The following MSH3 variants were observed in gnomAD, a reference collection of about 807,000 sequenced individuals.
MSH3 encodes the protein mutS homolog 3, also known as DNA mismatch repair protein Msh3.
In MSH3, 106 loss-of-function variants were observed where a neutral mutation model predicts 123.3. That is an observed-to-expected ratio of 0.86 (90% CI 0.73 to 1.01). The LOEUF (loss-of-function observed/expected upper bound fraction) is 1.01. Ranked by LOEUF, MSH3 falls within the 50% of genes least tolerant of loss-of-function variation. The probability of loss-of-function intolerance (pLI) is 0.00; values close to 1 mark genes in which losing one functional copy is unlikely to be tolerated. For synonymous variants in MSH3, 515 were observed against 481.4 expected, an observed-to-expected ratio of 1.07 and a Z score of -0.91; for missense variants, 1,459 against 1,347.6, an observed-to-expected ratio of 1.08 and a Z score of -1.29.
At chr5:80,758,633 T>C (rs377005710) in intron 12 of MSH3, among the ~76,000 whole-genome samples, 22 of 152,196 alleles carry the variant, frequency 1.4e-4, no homozygotes, top group African/African-American at 5.1e-4. Flanking sequence ...GTGTTGGCAC[T>C]AGACTAAAAT....
Position 80,674,984 on chromosome 5 carries a change from T to A in MSH3, c.1029T>A (p.Asp343Glu), listed in dbSNP as rs2112815906. ...LYTKSTLIGEDVNPLIKLDDA... is the reference protein window; with the variant it reads ...LYTKSTLIGEEVNPLIKLDDA... The stretch of plus-strand genomic sequence containing the variant: ...TTATTTTTCTTTAATTATTATTAAA[T>A]GTGAATCCCCTAATCAAGCTGGATG... The change falls in exon 7 of 24, where the codon GAT becomes GAA. Residue 343 changes from aspartate (D) to glutamate (E), a missense_variant and splice_region_variant. Asp to Glu is a conservative substitution (Grantham distance 45, BLOSUM62 2). Coordinates refer to ENST00000265081, the MANE Select transcript of MSH3 (RefSeq NM_002439.5). 6.3e-7 allele frequency: 1 copy of A among 1,597,084 alleles called. No homozygotes were observed. Among genetic ancestry groups the A allele is most frequent in the Non-Finnish European group, 8.6e-7 (1 of 1,166,568 alleles).
intron 2 of MSH3, among the ~76,000 whole-genome samples, chr5:80,662,881 A>G (rs6887400): frequency 0.34 from 51,596 of 151,842 alleles, 8,855 homozygotes; most frequent in Non-Finnish European, 0.36. Context: ...GGACATACAC[A>G]CAGACCAGGT....
chr5:80,746,176 A>G (rs1421109815), intron 12 of MSH3, among the ~76,000 whole-genome samples: 1 of 152,154 alleles, frequency 6.6e-6, no homozygotes. Context: ...TAGGTTTGGA[A>G]TCCGTATTCA....
chr5:80,664,224 T>G (rs1424689245), intron 2 of MSH3, among the ~76,000 whole-genome samples: 1 of 152,160 alleles, frequency 6.6e-6, no homozygotes, highest in African/African-American at 2.4e-5. Flanking sequence ...GAAAGGTAGA[T>G]TTGAGATGGG....
At chr5:80,805,584 C>A (rs937868932) in intron 19 of MSH3, among the ~76,000 whole-genome samples, 11 of 80,536 alleles carry the variant, frequency 1.4e-4, no homozygotes, top group South Asian at 5.9e-4. Context: ...TGATGCCCCC[C>A]CCCCCTACCT....
At chr5:80,685,844 G>T (rs1485626591) in intron 8 of MSH3, among the ~76,000 whole-genome samples, 4 of 151,976 alleles carry the variant, frequency 2.6e-5, no homozygotes, top group African/African-American at 9.7e-5. Flanking sequence ...GTTTTGGTAT[G>T]TGTTTTCATT....
At chr5:80,689,029 A>G (rs1160129259) in intron 8 of MSH3, among the ~76,000 whole-genome samples, 2 of 152,188 alleles carry the variant, frequency 1.3e-5, no homozygotes, top group Non-Finnish European at 2.9e-5. Flanking sequence ...CATGGTGCCT[A>G]AATTAGGTGG....
At chr5:80,709,065 G>A (rs1251714502) in intron 8 of MSH3, among the ~76,000 whole-genome samples, 1 of 151,910 alleles carries the variant, frequency 6.6e-6, no homozygotes, top group East Asian at 1.9e-4. Context: ...GTGAGCCATG[G>A]CACTGGACCC....
intron 20 of MSH3, among the ~76,000 whole-genome samples, chr5:80,849,113 T>G (rs994293544): frequency 1.3e-5 from 2 of 151,966 alleles, no homozygotes; most frequent in African/African-American, 4.8e-5. Flanking sequence ...AGCGGGGAAG[T>G]CAAATCTTAA....
intron 12 of MSH3, 73 bp from the exon 13 acceptor site, chr5:80,761,473 G>A (rs1744031534): frequency 6.4e-7 from 1 of 1,559,004 alleles, no homozygotes; most frequent in Non-Finnish European, 8.8e-7. Flanking sequence ...ACATTCCTGG[G>A]CATTAGAGTG....
At chr5:80,873,960 C>A (rs1279942347) in intron 23 of MSH3, among the ~76,000 whole-genome samples, 1 of 152,006 alleles carries the variant, frequency 6.6e-6, no homozygotes, top group African/African-American at 2.4e-5. Context: ...ATATAAAATT[C>A]TAAAACAACA....
intron 8 of MSH3, among the ~76,000 whole-genome samples, chr5:80,686,145 T>C (rs1268008360): frequency 1.3e-5 from 2 of 152,204 alleles, no homozygotes; most frequent in East Asian, 3.8e-4. Context: ...GAAAAGAAAG[T>C]GTATTCTGCA....
intron 13 of MSH3, 68 bp from the exon 14 acceptor site, chr5:80,767,865 A>AATT: frequency 1.6e-6 from 2 of 1,236,216 alleles, no homozygotes; most frequent in Non-Finnish European, 2.4e-6. Flanking sequence ...CTAACTTTTA[A>AATT]AAGTCACTAA....
chr5:80,655,267 G>T (rs1010464203), intron 1 of MSH3: 4 of 291,220 alleles, frequency 1.4e-5, no homozygotes, highest in Non-Finnish European at 2.5e-5. Flanking sequence ...CAAGGGGTGC[G>T]TCTTTTAACC....
At chr5:80,808,681 C>A (rs1744945519) in intron 19 of MSH3, among the ~76,000 whole-genome samples, 1 of 151,382 alleles carries the variant, frequency 6.6e-6, no homozygotes, top group African/African-American at 2.4e-5. Flanking sequence ...AAACTAAAAA[C>A]TTCATCATTC....
intron 3 of MSH3, among the ~76,000 whole-genome samples, chr5:80,666,471 A>G (rs1749573486): frequency 2.6e-5 from 4 of 152,018 alleles, no homozygotes; most frequent in Admixed American, 2.0e-4. Context: ...GATCATCAAG[A>G]AAAAAAAGGT....
At chr5:80,854,504 G>A (rs982005380) in intron 21 of MSH3, among the ~76,000 whole-genome samples, 188 bp downstream of exon 21, 8 of 152,066 alleles carry the variant, frequency 5.3e-5, no homozygotes, top group Non-Finnish European at 1.2e-4. Flanking sequence ...TTTTTGTGGT[G>A]AGACATTTGA....
chr5:80,809,702 C>T (rs1049345699), intron 19 of MSH3, among the ~76,000 whole-genome samples: 1 of 152,156 alleles, frequency 6.6e-6, no homozygotes, highest in African/African-American at 2.4e-5. Flanking sequence ...TCTTACATTA[C>T]ATTCTCTCTG....
At chr5:80,662,523 A>G (rs1348398769) in intron 2 of MSH3, among the ~76,000 whole-genome samples, 2 of 152,176 alleles carry the variant, frequency 1.3e-5, no homozygotes, top group East Asian at 1.9e-4. Flanking sequence ...ATAGGGACAA[A>G]TCTCTAAAAC....
Sources: allele counts gnomAD v4.1 joint callset (sites outside exome capture counted in the v4.1 genomes callset), GRCh38; gene constraint gnomAD v4.1.1; transcripts MANE v1.5; gene names NCBI Gene and HGNC (gene_info 2026-07-23, HGNC 2026-07-21).